ABTB2: variants seen among roughly 807,000 people sequenced by gnomAD.
ABTB2 encodes the protein ankyrin repeat and BTB/POZ domain-containing protein 2.
In ABTB2, 56 loss-of-function variants were observed where a neutral mutation model predicts 104.1. The observed-to-expected ratio is 0.54, with a 90% CI of 0.43 to 0.67. The LOEUF is 0.67. ABTB2 is among the 30% of genes least tolerant of loss of function. The probability of loss-of-function intolerance (pLI) is 0.00; values close to 1 mark genes in which losing one functional copy is unlikely to be tolerated. For synonymous variants in ABTB2, 606 were observed against 608.2 expected (o/e 1.00, Z 0.05); for missense variants, 1,279 against 1,407.7 (o/e 0.91, Z 1.46).
chr11:34,182,704 G>A (rs889237419), intron 3 of ABTB2, among the ~76,000 whole-genome samples: 2 of 152,024 alleles, frequency 1.3e-5, no homozygotes, highest in African/African-American at 4.8e-5. Flanking sequence ...GCAGTGAGAT[G>A]GGAGGTCCAC....
intron 1 of ABTB2, among the ~76,000 whole-genome samples, chr11:34,306,668 G>A (rs1044812428): frequency 3.3e-5 from 5 of 151,892 alleles, no homozygotes; most frequent in Non-Finnish European, 7.4e-5. Context: ...AGGCTGCAGT[G>A]AGCCATGACT....
At chr11:34,254,670 C>CTTTTTTT (rs57784717) in intron 1 of ABTB2, among the ~76,000 whole-genome samples, 1 of 127,682 alleles carries the variant, frequency 7.8e-6, no homozygotes, top group African/African-American at 2.9e-5. Context: ...ATATTAGAAA[C>CTTTTTTT]TTTTTTTTTT....
chr11:34,179,536 G>A (rs1853000056), intron 3 of ABTB2, among the ~76,000 whole-genome samples: 1 of 152,198 alleles, frequency 6.6e-6, no homozygotes, highest in Non-Finnish European at 1.5e-5. Flanking sequence ...TTGCATGCAT[G>A]CTCCTGGCAA....
intron 1 of ABTB2, among the ~76,000 whole-genome samples, chr11:34,294,168 C>CA (rs1169217532): frequency 6.6e-6 from 1 of 152,002 alleles, no homozygotes; most frequent in East Asian, 1.9e-4. Context: ...CTCATCTCTA[C>CA]AAAAAATTTA....
intron 1 of ABTB2, among the ~76,000 whole-genome samples, chr11:34,249,322 C>A (rs12418981): frequency 9.2e-5 from 14 of 151,926 alleles, no homozygotes; most frequent in Admixed American, 3.9e-4. Flanking sequence ...CAGTGTAGGA[C>A]GATATATGTA....
chr11:34,357,277 CT>C lies in ABTB2; in HGVS notation c.306del (p.Asp103ThrfsTer23). On this transcript the variant is annotated frameshift_variant, in exon 1 of 17. Coordinates refer to ENST00000435224, the MANE Select transcript of ABTB2 (RefSeq NM_145804.3). LOFTEE classifies it high-confidence loss of function. The stretch of plus-strand genomic sequence containing the variant: ...CCTTTGCGGAGCACCCGGGCCACGT[CT>C]CCTTCGGTCCAGGGGAACTCCTCCA... ...PELEEFPWTE[G>X]DVARVLRKGA... 6.7e-7 allele frequency: 1 copy of C among 1,499,872 alleles called. No homozygotes were observed. The highest frequency in any genetic ancestry group is 2.3e-5 in the Admixed American group (1 of 44,070). 92.9% of individuals were successfully genotyped at this position (1,499,872 alleles called of 1,614,324 possible).
chr11:34,179,667 A>G (rs1432049457), intron 3 of ABTB2, among the ~76,000 whole-genome samples: 1 of 152,236 alleles, frequency 6.6e-6, no homozygotes, highest in Non-Finnish European at 1.5e-5. Flanking sequence ...TCTGTGGGCC[A>G]TATTTTGTAT....
In ABTB2 at chr11:34,164,833, G is replaced by C; in HGVS notation, c.1853-12C>G. 6.3e-7 allele frequency: 1 copy of C among 1,587,154 alleles called. No individual in the cohort carries two copies. The highest frequency in any genetic ancestry group is 8.5e-7 in the Non-Finnish European group (1 of 1,171,768). ...CAGCTCATAGTTCCCTGAAAGAGAA[G>C]GTGGGCAGCACGGAGGACACTGAGA... On this transcript the variant is annotated splice_polypyrimidine_tract_variant and intron_variant, in intron 8 of 16. Coordinates refer to ENST00000435224, the MANE Select transcript of ABTB2 (RefSeq NM_145804.3).
intron 1 of ABTB2, among the ~76,000 whole-genome samples, chr11:34,217,587 G>A (rs1229422462): frequency 6.6e-6 from 1 of 151,984 alleles, no homozygotes; most frequent in African/African-American, 2.4e-5. Context: ...TCAGCCTCCC[G>A]AGTAGCTGGC....
At chr11:34,258,344 G>A (rs919781999) in intron 1 of ABTB2, among the ~76,000 whole-genome samples, 2 of 152,068 alleles carry the variant, frequency 1.3e-5, no homozygotes, top group African/African-American at 4.8e-5. Context: ...CTCACAGTGA[G>A]AGAGAGGTAA....
chr11:34,170,011 C>G (rs1322739948), intron 5 of ABTB2, among the ~76,000 whole-genome samples: 1 of 152,220 alleles, frequency 6.6e-6, no homozygotes, highest in Non-Finnish European at 1.5e-5. Context: ...TCATCTAACT[C>G]CCCATGCTCT....
chr11:34,176,719 C>A (rs920560020), intron 3 of ABTB2, among the ~76,000 whole-genome samples: 1 of 152,214 alleles, frequency 6.6e-6, no homozygotes, highest in Non-Finnish European at 1.5e-5. Context: ...ACATCAGTAA[C>A]TTACTATAGT....
At chr11:34,344,097 G>A (rs902661177) in intron 1 of ABTB2, among the ~76,000 whole-genome samples, 11 of 152,080 alleles carry the variant, frequency 7.2e-5, no homozygotes, top group African/African-American at 1.2e-4. Flanking sequence ...TTCTTTTTCC[G>A]GCCAAATTTC....
At chr11:34,195,075 C>CGGGGGGGGGGGGGGGGG (rs1461939590) in intron 3 of ABTB2, among the ~76,000 whole-genome samples, 5 of 18,058 alleles carry the variant, frequency 2.8e-4, no homozygotes, top group Admixed American at 6.6e-4. Flanking sequence ...AGATGCCCGG[C>CGGGGGGGGGGGGGGGGG]GGGGGGGGGG....
At chr11:34,208,170 G>A (rs1853432335) in intron 1 of ABTB2, among the ~76,000 whole-genome samples, 1 of 152,122 alleles carries the variant, frequency 6.6e-6, no homozygotes, top group South Asian at 2.1e-4. Context: ...ACCTCGATGT[G>A]TTCCTTTCCC....
chr11:34,265,691 G>A (rs978874940), intron 1 of ABTB2, among the ~76,000 whole-genome samples: 18 of 135,736 alleles, frequency 1.3e-4, no homozygotes, highest in South Asian at 4.6e-4. Flanking sequence ...AAAAAAAGCC[G>A]GGCACGGTGG....
chr11:34,174,477 G>A (rs2133018956), intron 3 of ABTB2, among the ~76,000 whole-genome samples: 1 of 152,362 alleles, frequency 6.6e-6, no homozygotes, highest in Admixed American at 6.5e-5. Context: ...CTCCCGGGGC[G>A]CCGCTCATGA....
intron 3 of ABTB2, among the ~76,000 whole-genome samples, chr11:34,191,838 G>C (rs59670352): frequency 6.6e-6 from 1 of 152,188 alleles, no homozygotes; most frequent in Non-Finnish European, 1.5e-5. Context: ...AACAGTGCCC[G>C]TGTTCCCTTG....
chr11:34,162,879 G>T, intron 9 of ABTB2, 74 bp from the exon 10 acceptor site: 2 of 1,392,744 alleles, frequency 1.4e-6, no homozygotes, highest in Non-Finnish European at 1.9e-6. Context: ...GTCCCCCAGT[G>T]CCCTCCTGCC....
Sources: gnomAD v4.1 joint callset for allele counts (sites outside exome capture counted in the v4.1 genomes callset) on GRCh38, gnomAD v4.1.1 for gene constraint, MANE v1.5 for transcripts, NCBI Gene and HGNC (gene_info 2026-07-23, HGNC 2026-07-21) for gene names.